TBC1D9: variants seen among roughly 807,000 people sequenced by gnomAD.
The protein encoded by TBC1D9 is TBC1 domain family member 9A.
A neutral mutation model predicts 132.0 loss-of-function variants in TBC1D9; 63 were observed. The observed-to-expected ratio is 0.48, with a 90% CI of 0.39 to 0.59. TBC1D9 has a LOEUF of 0.59. Ranked by LOEUF, TBC1D9 falls within the 20% of genes least tolerant of loss-of-function variation. The pLI, the probability that TBC1D9 is intolerant of heterozygous loss-of-function variation, is 0.00. For synonymous variants in TBC1D9, 610 were observed against 609.9 expected, an observed-to-expected ratio of 1.00 and a Z score of 0.00; for missense variants, 1,261 against 1,592.7, an observed-to-expected ratio of 0.79 and a Z score of 3.54.
chr4:140,639,658 G>T (rs1736948772), intron 13 of TBC1D9, among the ~76,000 whole-genome samples: 1 of 152,200 alleles, frequency 6.6e-6, no homozygotes. Context: ...AGAGTCAAAT[G>T]TATTTTCCTT....
chr4:140,708,958 A>G (rs948089981), intron 1 of TBC1D9, among the ~76,000 whole-genome samples: 2 of 152,164 alleles, frequency 1.3e-5, no homozygotes, highest in Non-Finnish European at 1.5e-5. Flanking sequence ...ACCAATCCCA[A>G]TACTTGGATA....
intron 3 of TBC1D9, 105 bp downstream of exon 3, chr4:140,686,239 T>G: frequency 7.4e-6 from 5 of 675,756 alleles, no homozygotes; most frequent in Non-Finnish European, 1.2e-5. Context: ...CAGGTGAATT[T>G]GGGCAAAGGG....
intron 2 of TBC1D9, chr4:140,701,055 G>A: frequency 5.4e-6 from 1 of 185,456 alleles, no homozygotes; most frequent in South Asian, 1.3e-4. Flanking sequence ...TATATACTTA[G>A]TACATCCAAG....
At chr4:140,690,188 A>G (rs920243825) in intron 2 of TBC1D9, among the ~76,000 whole-genome samples, 2 of 152,234 alleles carry the variant, frequency 1.3e-5, no homozygotes, top group Middle Eastern at 3.4e-3. Flanking sequence ...CTGACATTAT[A>G]TAGTCCACAG....
intron 1 of TBC1D9, among the ~76,000 whole-genome samples, chr4:140,723,942 T>A (rs1310301074): frequency 1.3e-5 from 2 of 152,020 alleles, no homozygotes; most frequent in African/African-American, 4.8e-5. Flanking sequence ...AAAGTCTGAC[T>A]ATTTTGCCTA....
At chr4:140,722,934 C>G (rs1265585911) in intron 1 of TBC1D9, among the ~76,000 whole-genome samples, 1 of 152,076 alleles carries the variant, frequency 6.6e-6, no homozygotes, top group Non-Finnish European at 1.5e-5. Flanking sequence ...CTCAATCCCC[C>G]TTTTTCTTTT....
chr4:140,639,933 C>T lies in TBC1D9; in HGVS notation c.2338-505G>A, dbSNP rs530206306. Reference sequence around the variant, plus strand: ...AGCCATCTCTTCAAGCTCCTTCGTACCCCCTAAATGTTTGTTGTCAAAAGC... The same window carrying T: ...AGCCATCTCTTCAAGCTCCTTCGTATCCCCTAAATGTTTGTTGTCAAAAGC... On this transcript the variant is annotated intron_variant, in intron 13 of 20. Transcript: ENST00000442267. Among the ~76,000 whole-genome samples the T allele has an allele frequency of 2.0e-5, 3 of 152,264 alleles. No individual in the cohort carries two copies. The South Asian group carries it at 6.2e-4, about 32-fold the overall frequency.
intron 1 of TBC1D9, among the ~76,000 whole-genome samples, chr4:140,742,468 G>A (rs1158459988): frequency 3.4e-5 from 5 of 148,386 alleles, no homozygotes. Flanking sequence ...GGAGGTGGAG[G>A]TTGCAGTGAG....
chr4:140,646,705 A>G (rs1374959214), intron 13 of TBC1D9, among the ~76,000 whole-genome samples: 1 of 152,220 alleles, frequency 6.6e-6, no homozygotes, highest in East Asian at 1.9e-4. Flanking sequence ...CTTTCAGATA[A>G]TCAGAGCAAA....
At chr4:140,658,723 A>G (rs1049856915) in intron 11 of TBC1D9, among the ~76,000 whole-genome samples, 7 of 151,994 alleles carry the variant, frequency 4.6e-5, no homozygotes, top group African/African-American at 1.7e-4. Context: ...AGGCAGGAGA[A>G]TCACTTGAAC....
At chr4:140,701,793 G>A (rs906833307) in intron 1 of TBC1D9, among the ~76,000 whole-genome samples, 179 bp from the exon 2 acceptor site, 4 of 152,260 alleles carry the variant, frequency 2.6e-5, no homozygotes, top group Admixed American at 1.3e-4. Context: ...TGCACAACTT[G>A]ACAAGGTCAC....
chr4:140,681,970 A>G (rs1025604807), intron 3 of TBC1D9, among the ~76,000 whole-genome samples: 4 of 152,206 alleles, frequency 2.6e-5, no homozygotes, highest in Non-Finnish European at 4.4e-5. Flanking sequence ...ACTAAATATG[A>G]ATTCCAAAGA....
chr4:140,634,255 C>CTGG, intron 15 of TBC1D9, 67 bp from the exon 16 acceptor site: 2 of 1,571,124 alleles, frequency 1.3e-6, no homozygotes, highest in East Asian at 4.5e-5. Context: ...AAACGCCCAT[C>CTGG]CTCCAGTTTG....
intron 1 of TBC1D9, among the ~76,000 whole-genome samples, chr4:140,746,577 G>A (rs1361742734): frequency 3.3e-5 from 5 of 152,190 alleles, no homozygotes; most frequent in Admixed American, 3.3e-4. Flanking sequence ...TTGACTCACA[G>A]TTCCACATGG....
At chr4:140,665,567 C>A (rs1043499494) in intron 9 of TBC1D9, among the ~76,000 whole-genome samples, 8 of 152,008 alleles carry the variant, frequency 5.3e-5, no homozygotes, top group Non-Finnish European at 1.2e-4. Context: ...AGTTACCATA[C>A]GAACCAGAAA....
intron 1 of TBC1D9, among the ~76,000 whole-genome samples, chr4:140,720,122 G>A (rs979523703): frequency 2.0e-5 from 3 of 152,310 alleles, no homozygotes; most frequent in East Asian, 1.9e-4. Context: ...TACCGATTGC[G>A]GTGGCTGAAG....
intron 15 of TBC1D9, among the ~76,000 whole-genome samples, chr4:140,636,184 G>T (rs1736876732): frequency 6.6e-6 from 1 of 152,166 alleles, no homozygotes; most frequent in South Asian, 2.1e-4. Flanking sequence ...TGGGCCCAGA[G>T]ATTGAAACAG....
At chr4:140,737,698 C>T (rs1738697740) in intron 1 of TBC1D9, among the ~76,000 whole-genome samples, 1 of 152,146 alleles carries the variant, frequency 6.6e-6, no homozygotes, top group African/African-American at 2.4e-5. Context: ...AAGAGAATTT[C>T]CTGGAAATGA....
chr4:140,673,631 A>C (rs1340092577), intron 6 of TBC1D9, among the ~76,000 whole-genome samples: 1 of 152,190 alleles, frequency 6.6e-6, no homozygotes, highest in Admixed American at 6.5e-5. Flanking sequence ...GTTCAAAGAA[A>C]AGGCACTGCC....
Sources: gnomAD v4.1 joint callset for allele counts (sites outside exome capture counted in the v4.1 genomes callset) on GRCh38, gnomAD v4.1.1 for gene constraint, MANE v1.5 for transcripts, NCBI Gene and HGNC (gene_info 2026-07-23, HGNC 2026-07-21) for gene names.